Variants in CADM1 observed in about 807,000 individuals in gnomAD.
The protein encoded by CADM1 is TSLC-1.
In CADM1, 15 loss-of-function variants were observed where a neutral mutation model predicts 53.1. That is an observed-to-expected ratio of 0.28 (90% CI 0.19 to 0.44). CADM1 has a LOEUF of 0.44. Ranked by LOEUF, CADM1 falls within the 20% of genes least tolerant of loss-of-function variation. The pLI is 1.00. For synonymous variants in CADM1, 281 were observed against 243.0 expected, an observed-to-expected ratio of 1.16 and a Z score of -1.45; for missense variants, 434 against 611.3, an observed-to-expected ratio of 0.71 and a Z score of 3.06.
chr11:115,502,907 G>C (rs1026389615), intron 1 of CADM1, among the ~76,000 whole-genome samples: 1 of 152,188 alleles, frequency 6.6e-6, no homozygotes, highest in Admixed American at 6.5e-5. Flanking sequence ...GTGCCCGCCC[G>C]GGCCTGGGGC....
intron 1 of CADM1, among the ~76,000 whole-genome samples, chr11:115,288,934 T>A (rs1230362046): frequency 6.6e-6 from 1 of 152,182 alleles, no homozygotes; most frequent in Non-Finnish European, 1.5e-5. Context: ...CAATTTCAGC[T>A]GCCCTCCTCC....
At chr11:115,303,494 C>G (rs1944287085) in intron 1 of CADM1, among the ~76,000 whole-genome samples, 1 of 152,024 alleles carries the variant, frequency 6.6e-6, no homozygotes, top group Admixed American at 6.6e-5. Context: ...TTATTTGATT[C>G]TGTATCTGAT....
intron 1 of CADM1, among the ~76,000 whole-genome samples, chr11:115,456,513 TAAGTAAA>T (rs1184722066): frequency 1.3e-5 from 2 of 152,108 alleles, no homozygotes; most frequent in Admixed American, 1.3e-4. Context: ...TAAAAATGTT[TAAGTAAA>T]AAGAACATTA....
rs189770254 is a variant in CADM1, at chr11:115,388,359, T to C, written c.124+115912A>G. ...AAGTGTTATAGTTGGAAAATCACCA[T>C]AGAAAAGACTGGTTCAAGCAAGGAT... On this transcript the variant is annotated intron_variant, in intron 1 of 11. Coordinates refer to ENST00000331581, the MANE Select transcript of CADM1 (RefSeq NM_001301043.2). Among the ~76,000 whole-genome samples, 4 of 152,170 alleles carry C rather than the reference T, an allele frequency of 2.6e-5. No individual in the cohort carries two copies. The East Asian group carries it at 7.7e-4, about 29-fold the overall frequency.
At chr11:115,397,336 CAGG>C (rs1333936089) in intron 1 of CADM1, 1 of 152,078 alleles carries the variant, frequency 6.6e-6, no homozygotes, top group Non-Finnish European at 1.5e-5. Flanking sequence ...GCCAACATAT[CAGG>C]AGAATGGTAC....
chr11:115,353,895 T>G (rs1396872916), intron 1 of CADM1, among the ~76,000 whole-genome samples: 1 of 152,124 alleles, frequency 6.6e-6, no homozygotes, highest in East Asian at 1.9e-4. Flanking sequence ...GTAAGGATTG[T>G]TAGGTATGTG....
At chr11:115,420,744 T>G (rs1277344791) in intron 1 of CADM1, among the ~76,000 whole-genome samples, 1 of 152,202 alleles carries the variant, frequency 6.6e-6, no homozygotes, top group Non-Finnish European at 1.5e-5. Context: ...TAAATCTTAA[T>G]GACCCATGCC....
rs916154412 is a variant in CADM1, at chr11:115,499,059, TA to T, written c.124+5211del. Among the ~76,000 whole-genome samples the T allele has an allele frequency of 1.0e-3, 149 of 147,236 alleles. 1 individual carries two copies. The highest frequency in any genetic ancestry group is 2.1e-3 in the Admixed American group (31 of 14,812). On this transcript the variant is annotated intron_variant, in intron 1 of 11. Transcript: ENST00000331581. ...GGAAAAAAGAAAAATCTGATCAATG[TA>T]AAAAAAAAAGTCATCCTTCGAAAAT...
At chr11:115,463,976 A>G (rs1157084789) in intron 1 of CADM1, among the ~76,000 whole-genome samples, 2 of 152,210 alleles carry the variant, frequency 1.3e-5, no homozygotes, top group African/African-American at 4.8e-5. Flanking sequence ...ACTTGCAAGA[A>G]ATGCTATATT....
At chr11:115,366,772 T>C (rs1355614988) in intron 1 of CADM1, among the ~76,000 whole-genome samples, 4 of 152,208 alleles carry the variant, frequency 2.6e-5, no homozygotes, top group South Asian at 4.2e-4. Flanking sequence ...ACTGGAAATA[T>C]ATGACTTGAG....
At chr11:115,204,216 A>G (rs1940571904) in intron 8 of CADM1, among the ~76,000 whole-genome samples, 1 of 152,230 alleles carries the variant, frequency 6.6e-6, no homozygotes, top group Admixed American at 6.5e-5. Flanking sequence ...GCTTGAAGTA[A>G]CATTGGACCT....
At chr11:115,238,903 C>T (rs867305433) in intron 2 of CADM1, among the ~76,000 whole-genome samples, 2 of 151,952 alleles carry the variant, frequency 1.3e-5, no homozygotes, top group Non-Finnish European at 2.9e-5. Context: ...TGCACACACA[C>T]CCAGCTACGC....
At chr11:115,263,402 G>A (rs1393678500) in intron 1 of CADM1, among the ~76,000 whole-genome samples, 1 of 152,166 alleles carries the variant, frequency 6.6e-6, no homozygotes, top group Non-Finnish European at 1.5e-5. Context: ...ATACTTGGAG[G>A]CTGTGAAACT....
chr11:115,450,036 C>T (rs527818849), intron 1 of CADM1, among the ~76,000 whole-genome samples: 5 of 151,782 alleles, frequency 3.3e-5, no homozygotes, highest in Non-Finnish European at 7.4e-5. Context: ...ACTCTAAAAA[C>T]CTGCTAAAAA....
intron 1 of CADM1, among the ~76,000 whole-genome samples, chr11:115,335,917 C>A (rs1422110169): frequency 6.6e-6 from 1 of 152,110 alleles, no homozygotes; most frequent in African/African-American, 2.4e-5. Flanking sequence ...TCACTGACAA[C>A]AATGTCCATT....
Position 115,169,675 on chromosome 11 carries a change from C to T in CADM1, c.*6799G>A, listed in dbSNP as rs141961489. The T allele has an allele frequency of 7.2e-4, 326 of 455,466 alleles. 1 individual carries two copies. The highest frequency in any genetic ancestry group is 6.1e-3 in the African/African-American group (307 of 50,150). The allele number at this position is 455,466 out of a possible 1,614,324, so 28.2% of individuals were successfully genotyped here. On this transcript the variant is annotated 3_prime_UTR_variant, in exon 12 of 12. Coordinates refer to ENST00000331581, the MANE Select transcript of CADM1 (RefSeq NM_001301043.2). ...AAGAGAGAGAGATGGATAGTAATTT[C>T]GTCACTAGCTAACAGAGACTGATTA...
At chr11:115,191,830 A>G (rs4245160) in intron 9 of CADM1, among the ~76,000 whole-genome samples, 151,990 of 152,334 alleles carry the variant, frequency 1, 75,825 homozygotes, top group East Asian at 1. Flanking sequence ...CTCAAAGTCC[A>G]GTGTGACTAA....
intron 1 of CADM1, among the ~76,000 whole-genome samples, chr11:115,255,056 A>G (rs1025829815): frequency 1.3e-5 from 2 of 152,114 alleles, no homozygotes; most frequent in Non-Finnish European, 2.9e-5. Context: ...GAGTATAGAG[A>G]AGAGGAAGCA....
intron 1 of CADM1, among the ~76,000 whole-genome samples, chr11:115,262,466 C>T (rs566230538): frequency 3.3e-5 from 5 of 152,302 alleles, no homozygotes; most frequent in South Asian, 2.1e-4. Flanking sequence ...TGGTCTCCCA[C>T]GACTAGGTTA....
Sources: allele counts gnomAD v4.1 joint callset (sites outside exome capture counted in the v4.1 genomes callset), GRCh38; gene constraint gnomAD v4.1.1; transcripts MANE v1.5; gene names NCBI Gene and HGNC (gene_info 2026-07-23, HGNC 2026-07-21).